Variants in ASIC2 observed in about 807,000 individuals in gnomAD.
ASIC2 encodes acid sensing ion channel subunit 2.
Under a neutral mutation model 57.3 loss-of-function variants are expected in ASIC2, and 25 were observed. That is an observed-to-expected ratio of 0.44 (90% confidence interval 0.32 to 0.61). ASIC2 has a LOEUF of 0.61. ASIC2 is among the 20% of genes least tolerant of loss of function. ASIC2 has a pLI of 0.06. For missense variants in ASIC2, 641 were observed against 738.1 expected, an observed-to-expected ratio of 0.87 and a Z score of 1.52; for synonymous variants, 319 against 307.5, an observed-to-expected ratio of 1.04 and a Z score of -0.39.
intron 1 of ASIC2, among the ~76,000 whole-genome samples, chr17:33,303,243 T>C (rs1281726761): frequency 2.6e-5 from 4 of 152,154 alleles, no homozygotes; most frequent in African/African-American, 9.7e-5. Flanking sequence ...AGTTCAGAGT[T>C]TTGCAAAAAC....
intron 1 of ASIC2, among the ~76,000 whole-genome samples, chr17:34,105,344 T>C (rs1911006173): frequency 6.6e-6 from 1 of 151,896 alleles, no homozygotes; most frequent in South Asian, 2.1e-4. Context: ...GTGTTTTTCC[T>C]GTTTTTGTTT....
intron 1 of ASIC2, among the ~76,000 whole-genome samples, chr17:33,147,407 C>G (rs1388588140): frequency 6.6e-6 from 1 of 152,172 alleles, no homozygotes; most frequent in Non-Finnish European, 1.5e-5. Context: ...ACAAGTTCAG[C>G]TGGTACTTAA....
At chr17:33,071,735 C>A (rs1352523113) in intron 3 of ASIC2, among the ~76,000 whole-genome samples, 2 of 152,020 alleles carry the variant, frequency 1.3e-5, no homozygotes, top group Non-Finnish European at 2.9e-5. Flanking sequence ...AGAGTTTGAC[C>A]CATTTGGGTT....
intron 1 of ASIC2, among the ~76,000 whole-genome samples, chr17:33,499,703 C>A (rs375256685): frequency 7.2e-5 from 11 of 152,194 alleles, no homozygotes; most frequent in African/African-American, 2.7e-4. Flanking sequence ...GGCAGCAGAC[C>A]TAAGCTGGTT....
chr17:33,925,595 A>G (rs1915806372), intron 1 of ASIC2, among the ~76,000 whole-genome samples: 1 of 152,192 alleles, frequency 6.6e-6, no homozygotes, highest in South Asian at 2.1e-4. Flanking sequence ...CTACCTTAGA[A>G]AGGTTGGGTT....
At chr17:33,068,186 G>A (rs1206362423) in intron 3 of ASIC2, among the ~76,000 whole-genome samples, 3 of 152,164 alleles carry the variant, frequency 2.0e-5, no homozygotes, top group African/African-American at 7.2e-5. Flanking sequence ...TGCAGGCCTA[G>A]GTTGACCAAT....
chr17:33,701,207 G>T (rs1473017832), intron 1 of ASIC2, among the ~76,000 whole-genome samples: 3 of 152,056 alleles, frequency 2.0e-5, no homozygotes, highest in Non-Finnish European at 2.9e-5. Flanking sequence ...GGACAGCCTA[G>T]GGTACTCTGA....
chr17:33,853,828 T>G (rs938382709), intron 1 of ASIC2, among the ~76,000 whole-genome samples: 1 of 152,156 alleles, frequency 6.6e-6, no homozygotes, highest in Non-Finnish European at 1.5e-5. Context: ...GATAAGCATA[T>G]GAGTAGCCAA....
intron 1 of ASIC2, among the ~76,000 whole-genome samples, chr17:33,187,817 C>T (rs1184477893): frequency 6.6e-6 from 1 of 150,432 alleles, no homozygotes; most frequent in African/African-American, 2.4e-5. Flanking sequence ...GACAAGGCCC[C>T]CAAACATTTA....
At chr17:33,392,653 C>T (rs149519197) in intron 1 of ASIC2, among the ~76,000 whole-genome samples, 74 of 152,262 alleles carry the variant, frequency 4.9e-4, no homozygotes, top group Non-Finnish European at 5.4e-4. Context: ...ACTTCTTCCA[C>T]GGTGTCACAT....
chr17:33,325,380 T>C (rs1907034627), intron 1 of ASIC2, among the ~76,000 whole-genome samples: 1 of 151,952 alleles, frequency 6.6e-6, no homozygotes, highest in Non-Finnish European at 1.5e-5. Context: ...ACAGAAGCTG[T>C]TGGATGGAGA....
intron 1 of ASIC2, chr17:34,080,829 A>T (rs1909851107): frequency 6.6e-6 from 1 of 152,264 alleles, no homozygotes; most frequent in Admixed American, 6.5e-5. Flanking sequence ...TTGCCAGGCC[A>T]GGGCTTATTC....
At chr17:33,499,194 G>C (rs1435570880) in intron 1 of ASIC2, among the ~76,000 whole-genome samples, 1 of 152,234 alleles carries the variant, frequency 6.6e-6, no homozygotes, top group Non-Finnish European at 1.5e-5. Flanking sequence ...CTCTGGTCCA[G>C]CTGGGACTTT....
chr17:34,045,339 C>A (rs1337258844), intron 1 of ASIC2, among the ~76,000 whole-genome samples: 1 of 152,162 alleles, frequency 6.6e-6, no homozygotes, highest in Non-Finnish European at 1.5e-5. Context: ...AAGACAAGTT[C>A]CACAGTAGCT....
At chr17:33,410,032 C>T (rs1035127628) in intron 1 of ASIC2, among the ~76,000 whole-genome samples, 2 of 152,188 alleles carry the variant, frequency 1.3e-5, no homozygotes, top group Non-Finnish European at 2.9e-5. Context: ...TTTAGACTTA[C>T]AGTTCACACC....
At chr17:33,663,821 G>T (rs1375065466) in intron 1 of ASIC2, among the ~76,000 whole-genome samples, 2 of 152,116 alleles carry the variant, frequency 1.3e-5, no homozygotes, top group Non-Finnish European at 2.9e-5. Context: ...TCCACTGCCT[G>T]CTCTCATTAT....
At chr17:33,561,745 C>T (rs1270932745) in intron 1 of ASIC2, among the ~76,000 whole-genome samples, 4 of 152,162 alleles carry the variant, frequency 2.6e-5, no homozygotes, top group African/African-American at 9.7e-5. Context: ...AAAATATGTG[C>T]AAATATGGCA....
chr17:34,071,932 T>C (rs2142068909), intron 1 of ASIC2: 1 of 152,346 alleles, frequency 6.6e-6, no homozygotes, highest in South Asian at 2.1e-4. Flanking sequence ...GGATGAAGGT[T>C]GTCTTTTTTC....
intron 1 of ASIC2, among the ~76,000 whole-genome samples, chr17:33,557,301 A>C (rs1461368912): frequency 6.6e-6 from 1 of 152,114 alleles, no homozygotes; most frequent in Non-Finnish European, 1.5e-5. Flanking sequence ...TAATCTCAGA[A>C]ATTGTTTCCT....
Sources: gnomAD v4.1 joint callset for allele counts (sites outside exome capture counted in the v4.1 genomes callset) on GRCh38, gnomAD v4.1.1 for gene constraint, MANE v1.5 for transcripts, NCBI Gene and HGNC (gene_info 2026-07-23, HGNC 2026-07-21) for gene names.